UNC79: variants seen among roughly 807,000 people sequenced by gnomAD.
UNC79 encodes protein unc-79 homolog.
A neutral mutation model predicts 283.1 loss-of-function variants in UNC79; 37 were observed. That is an observed-to-expected ratio of 0.13 (90% CI 0.10 to 0.17). The LOEUF (loss-of-function observed/expected upper bound fraction) is 0.17, where lower values mean the gene tolerates loss of function less well. Ranked by LOEUF, UNC79 falls within the 10% of genes least tolerant of loss-of-function variation. The pLI is 1.00. For synonymous variants in UNC79, 1,107 were observed against 1,200.2 expected (o/e 0.92, Z 1.61); for missense variants, 2,272 against 3,211.1 (o/e 0.71, Z 7.07).
chr14:93,528,754 T>C (rs918297667), intron 9 of UNC79, 108 bp downstream of exon 9: 2 of 1,042,082 alleles, frequency 1.9e-6, no homozygotes, highest in African/African-American at 3.2e-5. Context: ...CTCTAGCCTC[T>C]CTGATTTTTA....
intron 1 of UNC79, among the ~76,000 whole-genome samples, chr14:93,406,937 G>C (rs1190750911): frequency 6.6e-6 from 1 of 152,104 alleles, no homozygotes; most frequent in South Asian, 2.1e-4. Flanking sequence ...AAATCAAGGC[G>C]TCAGCAGATG....
At chr14:93,660,836 A>T (rs1986869) in intron 39 of UNC79, among the ~76,000 whole-genome samples, 15,406 of 151,610 alleles carry the variant, frequency 0.1, 1,530 homozygotes, top group African/African-American at 0.26. Context: ...GTGATCCACC[A>T]GCCTCAGCCT....
At chr14:93,349,646 T>G (rs771681255) in intron 1 of UNC79, among the ~76,000 whole-genome samples, 9 of 152,218 alleles carry the variant, frequency 5.9e-5, no homozygotes, top group Non-Finnish European at 1.2e-4. Context: ...GTTTGTTACA[T>G]CCACAGGCTG....
At chr14:93,553,172 GAGAA>G (rs1432696433) in intron 14 of UNC79, among the ~76,000 whole-genome samples, 3 of 152,184 alleles carry the variant, frequency 2.0e-5, no homozygotes, top group Non-Finnish European at 2.9e-5. Context: ...ATCAGGTAGA[GAGAA>G]AGAAACATGC....
intron 47 of UNC79, among the ~76,000 whole-genome samples, chr14:93,704,317 G>A (rs1166279522): frequency 1.3e-5 from 2 of 152,192 alleles, no homozygotes; most frequent in Non-Finnish European, 2.9e-5. Context: ...AAGAAAGTGA[G>A]GATTTAATTA....
intron 1 of UNC79, among the ~76,000 whole-genome samples, chr14:93,342,263 C>T (rs1178652729): frequency 6.6e-6 from 1 of 152,232 alleles, no homozygotes; most frequent in African/African-American, 2.4e-5. Context: ...TCTGTGCACC[C>T]ACAGGACCAA....
intron 14 of UNC79, 30 bp downstream of exon 14, chr14:93,542,726 TTA>T (rs2061431443): frequency 1.9e-6 from 3 of 1,610,714 alleles, no homozygotes; most frequent in Non-Finnish European, 2.5e-6. Flanking sequence ...TCACACCTTG[TTA>T]GAGAGGAGGA....
chr14:93,677,554 C>T (rs2073450977), intron 41 of UNC79, among the ~76,000 whole-genome samples: 2 of 152,194 alleles, frequency 1.3e-5, no homozygotes, highest in South Asian at 4.1e-4. Context: ...GGCCCCTTGA[C>T]ACATGGGGAT....
chr14:93,548,139 C>A (rs1008555037), intron 14 of UNC79, among the ~76,000 whole-genome samples: 1 of 152,140 alleles, frequency 6.6e-6, no homozygotes, highest in Non-Finnish European at 1.5e-5. Context: ...AGCTTATAAA[C>A]AACAAATTTC....
At chr14:93,667,543 G>A (rs548045946) in intron 40 of UNC79, among the ~76,000 whole-genome samples, 1 of 152,122 alleles carries the variant, frequency 6.6e-6, no homozygotes, top group African/African-American at 2.4e-5. Context: ...CCTGGAAAAT[G>A]GAATCAATAG....
intron 31 of UNC79, among the ~76,000 whole-genome samples, chr14:93,635,279 G>C (rs1182818901): frequency 6.6e-6 from 1 of 152,162 alleles, no homozygotes; most frequent in East Asian, 1.9e-4. Context: ...CAAGCCAGTA[G>C]TACAGCCACA....
intron 1 of UNC79, among the ~76,000 whole-genome samples, chr14:93,404,598 A>C (rs867060646): frequency 6.8e-5 from 10 of 146,454 alleles, no homozygotes; most frequent in Non-Finnish European, 1.3e-4. Context: ...TTTTCAAATG[A>C]GCAGGGGGAA....
At chr14:93,512,681 T>C (rs1433622989) in intron 7 of UNC79, among the ~76,000 whole-genome samples, 1 of 152,200 alleles carries the variant, frequency 6.6e-6, no homozygotes, top group Non-Finnish European at 1.5e-5. Flanking sequence ...AGTAATTTTA[T>C]ATATGCTATC....
At chr14:93,378,433 G>A (rs945309707) in intron 1 of UNC79, among the ~76,000 whole-genome samples, 8 of 152,018 alleles carry the variant, frequency 5.3e-5, no homozygotes, top group East Asian at 1.9e-4. Context: ...AGTGGTACAC[G>A]TTTAGTATCC....
At chr14:93,592,073 T>G (rs943824134) in intron 22 of UNC79, among the ~76,000 whole-genome samples, 1 of 152,170 alleles carries the variant, frequency 6.6e-6, no homozygotes, top group African/African-American at 2.4e-5. Flanking sequence ...TTTCATAAAT[T>G]TTAACTTTTT....
At chr14:93,498,070 G>C (rs899952641) in intron 7 of UNC79, among the ~76,000 whole-genome samples, 2 of 151,902 alleles carry the variant, frequency 1.3e-5, no homozygotes, top group African/African-American at 4.8e-5. Context: ...TGAGATGGGC[G>C]GTTCGCCTGA....
At position 93,347,347 on chromosome 14, in the gene UNC79, C is replaced by T. The variant is rs747514899; in HGVS notation, c.-351+13824C>T. The stretch of plus-strand genomic sequence containing the variant: ...CCTGCTCGGCCTGCAGCCCGCTCCC[C>T]GCTTCGCCCACTCGGGGCCCCCGCG... On this transcript the variant is annotated intron_variant, in intron 1 of 49. Transcript: ENST00000256339. 1.1e-5 allele frequency: 17 copies of T among 1,597,192 alleles called. No homozygotes were observed. In the East Asian group the frequency reaches 1.3e-4, roughly 13 times the overall value.
intron 25 of UNC79, among the ~76,000 whole-genome samples, chr14:93,601,219 T>C (rs1218579866): frequency 2.0e-5 from 3 of 152,186 alleles, no homozygotes; most frequent in African/African-American, 4.8e-5. Context: ...TTGTACATTG[T>C]ACCCAATGTG....
At chr14:93,333,387 C>T in exon 1 of UNC79, 1 of 398,616 alleles carries the variant, frequency 2.5e-6, no homozygotes, top group Non-Finnish European at 4.4e-6. Flanking sequence ...TTCATGTTTC[C>T]GTTCGGCGGC....
Sources: gnomAD v4.1 joint callset for allele counts (sites outside exome capture counted in the v4.1 genomes callset) on GRCh38, gnomAD v4.1.1 for gene constraint, MANE v1.5 for transcripts, NCBI Gene and HGNC (gene_info 2026-07-23, HGNC 2026-07-21) for gene names.